Variants in CORO7 observed in about 807,000 individuals in gnomAD.
CORO7 encodes the protein coronin 7.
Under a neutral mutation model 126.6 loss-of-function variants are expected in CORO7, and 107 were observed. The observed-to-expected ratio is 0.85, with a 90% CI of 0.72 to 0.99. The LOEUF (loss-of-function observed/expected upper bound fraction) is 0.99, where lower values mean the gene tolerates loss of function less well. Ranked by LOEUF, CORO7 falls within the 50% of genes least tolerant of loss-of-function variation. CORO7 has a pLI of 0.00. For missense variants in CORO7, 1,314 were observed against 1,255.8 expected (o/e 1.05, Z -0.70); for synonymous variants, 603 against 536.8 (o/e 1.12, Z -1.70).
At chr16:4,406,013 A>G (rs2055985059) in intron 5 of CORO7, among the ~76,000 whole-genome samples, 1 of 152,060 alleles carries the variant, frequency 6.6e-6, no homozygotes, top group African/African-American at 2.4e-5. Flanking sequence ...CCTAACCCCC[A>G]CTACTTTTCG....
At chr16:4,386,582 C>T (rs1374609744) in intron 9 of CORO7, among the ~76,000 whole-genome samples, 1 of 152,194 alleles carries the variant, frequency 6.6e-6, no homozygotes, top group Non-Finnish European at 1.5e-5. Flanking sequence ...GCTCCGACTC[C>T]TCAAGGCGGG....
intron 9 of CORO7, among the ~76,000 whole-genome samples, chr16:4,366,832 T>C (rs2054363941): frequency 6.6e-6 from 1 of 152,140 alleles, no homozygotes; most frequent in African/African-American, 2.4e-5. Flanking sequence ...CATGAGCCAC[T>C]GCACTTGGTC....
intron 9 of CORO7, chr16:4,371,948 G>A (rs1419491299): frequency 1.3e-5 from 2 of 152,358 alleles, no homozygotes; most frequent in Non-Finnish European, 1.5e-5. Flanking sequence ...AAAGACTGAG[G>A]CCGCGGCCTG....
rs918534797 is a variant in CORO7, at chr16:4,361,618, C to A, written c.1579-149G>T. The A allele has an allele frequency of 4.0e-6, 4 of 988,820 alleles. No individual in the cohort carries two copies. The African/African-American group carries it at 6.4e-5, about 16-fold the overall frequency. The allele number at this position is 988,820 out of a possible 1,614,324, so 61.3% of individuals were successfully genotyped here. On this transcript the variant is annotated intron_variant, in intron 16 of 27. Coordinates refer to ENST00000251166, the MANE Select transcript of CORO7 (RefSeq NM_024535.5). Reference sequence around the variant, plus strand: ...TGACCCAAGCTCTCTGCCCTGACCACCTTGCGCTCTGAGCCCCAAGTGCCA... The same window carrying A: ...TGACCCAAGCTCTCTGCCCTGACCAACTTGCGCTCTGAGCCCCAAGTGCCA...
At chr16:4,357,546 G>A (rs2054016777) in intron 25 of CORO7, 1 of 363,326 alleles carries the variant, frequency 2.8e-6, no homozygotes, top group Non-Finnish European at 5.0e-6. Flanking sequence ...AGTAGAGATG[G>A]GGTTTCACCA....
rs373350704 is a variant in CORO7, at chr16:4,359,575, C to T, written c.2155G>A (p.Gly719Ser). 1.2e-5 allele frequency: 20 copies of T among 1,611,748 alleles called. No individual in the cohort carries two copies. Among genetic ancestry groups the T allele is most frequent in the Admixed American group, 1.7e-5 (1 of 59,902 alleles). ...AGGCCCAACACTGCCAAGGGTCCGC[C>T]GGCCAGGGCCTCAGCTTCATATAGG... ...LLLYEAEALA[G>S]GPLAVLGLDV... is the part of the protein sequence containing the mutation. Residue 719 changes from glycine (G) to serine (S), a missense_variant, in exon 22 of 28, where the codon GGC (glycine) becomes AGC (serine). Coordinates refer to ENST00000251166, the MANE Select transcript of CORO7 (RefSeq NM_024535.5).
At chr16:4,356,817 G>C (rs146960234) in intron 26 of CORO7, 81 of 291,380 alleles carry the variant, frequency 2.8e-4, no homozygotes, top group African/African-American at 1.8e-3. Context: ...GGGGGAGTAA[G>C]AGACTGAGAG....
intron 13 of CORO7, 82 bp from the exon 14 acceptor site, chr16:4,364,495 G>A (rs2141196033): frequency 1.3e-6 from 2 of 1,489,088 alleles, no homozygotes; most frequent in East Asian, 2.5e-5. Flanking sequence ...AACTGGGTAG[G>A]GATGGGGGGC....
chr16:4,413,517 T>C, intron 1 of CORO7, 113 bp from the exon 2 acceptor site: 5 of 881,736 alleles, frequency 5.7e-6, no homozygotes, highest in Non-Finnish European at 8.5e-6. Context: ...AGCTGCACCA[T>C]TCGAGATGCA....
At chr16:4,355,223 TG>T (rs763800789) in intron 27 of CORO7, 60 bp from the exon 28 acceptor site, 540 of 1,600,546 alleles carry the variant, frequency 3.4e-4, no homozygotes, top group Non-Finnish European at 4.4e-4. Context: ...GGAGGAGGCA[TG>T]CACCGTGGCA....
intron 7 of CORO7, among the ~76,000 whole-genome samples, chr16:4,393,033 C>T (rs1403411192): frequency 6.6e-6 from 1 of 152,250 alleles, no homozygotes; most frequent in African/African-American, 2.4e-5. Context: ...CATCAGTCAC[C>T]GCCCCAGCCC....
chr16:4,396,615 G>A (rs1415979922), intron 6 of CORO7, among the ~76,000 whole-genome samples: 2 of 152,104 alleles, frequency 1.3e-5, no homozygotes, highest in East Asian at 1.9e-4. Context: ...GATGGGGGCT[G>A]GTTAACTTTT....
At chr16:4,368,325 T>C (rs1596285952) in intron 9 of CORO7, among the ~76,000 whole-genome samples, 2 of 150,100 alleles carry the variant, frequency 1.3e-5, no homozygotes, top group Admixed American at 6.6e-5. Context: ...CCAGCCTGGG[T>C]GACAGAGTGA....
In CORO7 at chr16:4,362,879, C is replaced by G. The variant is rs920806365; in HGVS notation, c.1276-141G>C. The G allele has an allele frequency of 4.6e-5, 45 of 986,740 alleles. No homozygotes were observed. The highest frequency in any genetic ancestry group is 5.1e-5 in the Non-Finnish European group (39 of 759,838). The allele number at this position is 986,740 out of a possible 1,614,324, so 61.1% of individuals were successfully genotyped here. ...CACTGTGGGCATGCGACAGGAGCGG[C>G]GGGGGGCACGGGCATAAACGCAGAC... is the stretch of plus-strand genomic sequence containing the variant. On this transcript the variant is annotated intron_variant, in intron 14 of 27. Coordinates refer to ENST00000251166, the MANE Select transcript of CORO7 (RefSeq NM_024535.5). This position sits in a 1 kb window ranked among gnomAD's most constrained non-coding sequence, Gnocchi z 5.3.
intron 7 of CORO7, among the ~76,000 whole-genome samples, chr16:4,391,912 CCG>C (rs2055406620): frequency 6.6e-6 from 1 of 152,234 alleles, no homozygotes; most frequent in African/African-American, 2.4e-5. Flanking sequence ...AGTGTCAGCC[CCG>C]CAGGGGGTGC....
At position 4,362,209 on chromosome 16, in the gene CORO7, C is replaced by A; in HGVS notation, c.1403-49G>T. Reference sequence around the variant, plus strand: ...ACCACGTGTGAGGATGCCGTCCCCGCCCGCCCTGCACTCTTTGAGTCCCGG... The same window carrying A: ...ACCACGTGTGAGGATGCCGTCCCCGACCGCCCTGCACTCTTTGAGTCCCGG... On this transcript the variant is annotated intron_variant, in intron 15 of 27. Coordinates refer to ENST00000251166, the MANE Select transcript of CORO7 (RefSeq NM_024535.5). This position sits in a 1 kb window ranked among gnomAD's most constrained non-coding sequence, Gnocchi z 5.3. 6.4e-7 allele frequency: 1 copy of A among 1,570,458 alleles called. No individual in the cohort carries two copies. Among genetic ancestry groups the A allele is most frequent in the Admixed American group, 1.8e-5 (1 of 55,072 alleles).
Position 4,362,125 on chromosome 16 carries a change from C to T in CORO7, c.1438G>A (p.Val480Ile), listed in dbSNP as rs760433474. The stretch of plus-strand genomic sequence containing the variant: ...GTGATGTGGCTGTCTCGGTGCAGGA[C>T]AGTGCCCTGAGCATGGCGGAACTTG... ...SSKFRHAQGT[V>I]LHRDSHITNL... Residue 480 changes from valine (V) to isoleucine (I), a missense_variant, in exon 16 of 28, where the codon GTC becomes ATC. By Grantham distance (29) the Val-to-Ile change is conservative. Transcript: ENST00000251166. This position sits in a 1 kb window ranked among gnomAD's most constrained non-coding sequence, Gnocchi z 5.3. The T allele has an allele frequency of 1.6e-5, 26 of 1,611,872 alleles. No homozygotes were observed. The highest frequency in any genetic ancestry group is 2.1e-5 in the Non-Finnish European group (25 of 1,179,558).
chr16:4,380,896 C>G, intron 9 of CORO7: 1 of 1,549,324 alleles, frequency 6.5e-7, no homozygotes, highest in Non-Finnish European at 8.7e-7. Context: ...CAGGGTCCCT[C>G]TGCTGCTGCC....
intron 9 of CORO7, chr16:4,381,763 GC>G: frequency 6.2e-7 from 1 of 1,602,206 alleles, no homozygotes; most frequent in Non-Finnish European, 8.5e-7. Context: ...GCTGGCAGCT[GC>G]CCGCAACCCC....
Sources: allele counts gnomAD v4.1 joint callset (sites outside exome capture counted in the v4.1 genomes callset), GRCh38; gene constraint gnomAD v4.1.1; non-coding constraint Gnocchi (gnomAD v3.1); transcripts MANE v1.5; gene names NCBI Gene and HGNC (gene_info 2026-07-23, HGNC 2026-07-21).